Variants in ASIC2 observed in about 807,000 individuals in gnomAD.
ASIC2 encodes acid sensing ion channel subunit 2.
A neutral mutation model predicts 57.3 loss-of-function variants in ASIC2; 25 were observed. That is an observed-to-expected ratio of 0.44 (90% confidence interval 0.32 to 0.61). The LOEUF (loss-of-function observed/expected upper bound fraction) is 0.61, where lower values mean the gene tolerates loss of function less well. Among genes scored for constraint, ASIC2 ranks in the 20% least tolerant of loss-of-function variants. The probability of loss-of-function intolerance (pLI) is 0.06; values close to 1 mark genes in which losing one functional copy is unlikely to be tolerated. For missense variants in ASIC2, 641 were observed against 738.1 expected, an observed-to-expected ratio of 0.87 and a Z score of 1.52; for synonymous variants, 319 against 307.5, an observed-to-expected ratio of 1.04 and a Z score of -0.39.
chr17:33,154,944 C>T (rs370764085), intron 1 of ASIC2, among the ~76,000 whole-genome samples: 1 of 152,306 alleles, frequency 6.6e-6, no homozygotes, highest in South Asian at 2.1e-4. Flanking sequence ...ATTTGCATTT[C>T]TAATTGCGCT....
intron 1 of ASIC2, among the ~76,000 whole-genome samples, chr17:33,518,010 G>A (rs1331380827): frequency 6.6e-6 from 1 of 152,162 alleles, no homozygotes; most frequent in African/African-American, 2.4e-5. Context: ...GTCCAGAGAG[G>A]GCACCCAGTC....
At chr17:33,547,591 C>G (rs1052030548) in intron 1 of ASIC2, among the ~76,000 whole-genome samples, 2 of 152,144 alleles carry the variant, frequency 1.3e-5, no homozygotes, top group Non-Finnish European at 2.9e-5. Flanking sequence ...TGCCATTGGA[C>G]CTATGGATAG....
chr17:34,125,929 C>T (rs577593059), intron 1 of ASIC2, among the ~76,000 whole-genome samples: 2 of 152,174 alleles, frequency 1.3e-5, no homozygotes, highest in African/African-American at 2.4e-5. Flanking sequence ...GGAGGCCATG[C>T]CCCCCATCCA....
At chr17:33,778,819 A>T (rs1227692721) in intron 1 of ASIC2, among the ~76,000 whole-genome samples, 1 of 152,192 alleles carries the variant, frequency 6.6e-6, no homozygotes, top group African/African-American at 2.4e-5. Flanking sequence ...ATACTCATGA[A>T]GTATTAGTCT....
intron 1 of ASIC2, among the ~76,000 whole-genome samples, chr17:33,868,062 G>C (rs1396018748): frequency 6.6e-6 from 1 of 152,178 alleles, no homozygotes; most frequent in Non-Finnish European, 1.5e-5. Flanking sequence ...CTTAGCAAGA[G>C]CTAGGAACAT....
chr17:33,663,996 A>C (rs539313111), intron 1 of ASIC2, among the ~76,000 whole-genome samples: 2 of 152,064 alleles, frequency 1.3e-5, no homozygotes, highest in South Asian at 4.2e-4. Context: ...CTGACCTTTC[A>C]GCCTGTCTTC....
intron 1 of ASIC2, among the ~76,000 whole-genome samples, chr17:33,180,122 T>C (rs979317190): frequency 2.0e-5 from 3 of 152,226 alleles, no homozygotes; most frequent in South Asian, 2.1e-4. Flanking sequence ...CAGGAAACTA[T>C]TGAAACATTT....
At chr17:33,744,611 T>G (rs1003533880) in intron 1 of ASIC2, among the ~76,000 whole-genome samples, 81 of 152,188 alleles carry the variant, frequency 5.3e-4, no homozygotes, top group African/African-American at 1.6e-3. Flanking sequence ...ATTGCTATAA[T>G]GTATTACCTA....
chr17:33,711,433 C>A (rs891679164), intron 1 of ASIC2, among the ~76,000 whole-genome samples: 2 of 152,164 alleles, frequency 1.3e-5, no homozygotes, highest in African/African-American at 2.4e-5. Context: ...CCTCCATATG[C>A]GGTCAAAGGG....
At chr17:33,387,076 T>C (rs919495287) in intron 1 of ASIC2, among the ~76,000 whole-genome samples, 25 of 152,006 alleles carry the variant, frequency 1.6e-4, no homozygotes, top group African/African-American at 4.8e-4. Context: ...TTAGTAGAGA[T>C]GGGGTTTCAC....
At chr17:33,106,146 G>A (rs1445567396) in intron 2 of ASIC2, among the ~76,000 whole-genome samples, 1 of 152,106 alleles carries the variant, frequency 6.6e-6, no homozygotes, top group Non-Finnish European at 1.5e-5. Context: ...CAAAGTGAGG[G>A]TGTTCCTGGA....
chr17:33,400,969 A>T (rs955908116), intron 1 of ASIC2, among the ~76,000 whole-genome samples: 5 of 152,190 alleles, frequency 3.3e-5, no homozygotes, highest in African/African-American at 9.7e-5. Flanking sequence ...ACACAGATTT[A>T]TTTCTCACAC....
At chr17:33,738,563 A>G (rs369176225) in intron 1 of ASIC2, among the ~76,000 whole-genome samples, 99 of 152,198 alleles carry the variant, frequency 6.5e-4, no homozygotes, top group African/African-American at 2.2e-3. Context: ...AGTTTCCCCC[A>G]GTGGTAGCTG....
chr17:33,988,133 A>G (rs922791882), intron 1 of ASIC2, among the ~76,000 whole-genome samples: 1 of 152,210 alleles, frequency 6.6e-6, no homozygotes, highest in Non-Finnish European at 1.5e-5. Context: ...GAATGAATGT[A>G]ACACATTTAG....
chr17:33,210,970 G>T (rs1220489582), intron 1 of ASIC2, among the ~76,000 whole-genome samples: 2 of 152,170 alleles, frequency 1.3e-5, no homozygotes, highest in Admixed American at 1.3e-4. Context: ...GACATTTGAT[G>T]ACTTAGCTGT....
At chr17:33,523,442 A>G (rs1048898523) in intron 1 of ASIC2, among the ~76,000 whole-genome samples, 3 of 152,090 alleles carry the variant, frequency 2.0e-5, no homozygotes, top group African/African-American at 7.2e-5. Context: ...TATTTATAGT[A>G]GAGATGGAGT....
intron 1 of ASIC2, among the ~76,000 whole-genome samples, chr17:33,359,026 C>G (rs1041377668): frequency 1.3e-5 from 2 of 152,174 alleles, no homozygotes; most frequent in Non-Finnish European, 2.9e-5. Flanking sequence ...TCTTTGCCCC[C>G]CCTTTCTCTT....
At chr17:33,658,597 G>A (rs1223953669) in intron 1 of ASIC2, among the ~76,000 whole-genome samples, 1 of 152,174 alleles carries the variant, frequency 6.6e-6, no homozygotes, top group Non-Finnish European at 1.5e-5. Flanking sequence ...GTTGCTCGTA[G>A]ATGGTGACTT....
chr17:33,290,924 G>C (rs1404128220), intron 1 of ASIC2: 1 of 153,868 alleles, frequency 6.5e-6, no homozygotes. Flanking sequence ...TAGGGACTCT[G>C]CGTGATTCCC....
Sources: gnomAD v4.1 joint callset for allele counts (sites outside exome capture counted in the v4.1 genomes callset) on GRCh38, gnomAD v4.1.1 for gene constraint, MANE v1.5 for transcripts, NCBI Gene and HGNC (gene_info 2026-07-23, HGNC 2026-07-21) for gene names.